The following TNNI3K variants were observed in gnomAD, a reference collection of about 807,000 sequenced individuals.
TNNI3K encodes the protein serine/threonine-protein kinase TNNI3K.
A neutral mutation model predicts 114.5 loss-of-function variants in TNNI3K; 140 were observed. The observed-to-expected ratio is 1.22, with a 90% CI of 1.07 to 1.41. The LOEUF (loss-of-function observed/expected upper bound fraction) is 1.41. Ranked by LOEUF, TNNI3K falls within the 40% of genes most tolerant of loss-of-function variation. The pLI is 0.00. For missense variants in TNNI3K, 1,125 were observed against 1,007.6 expected (o/e 1.12, Z -1.58); for synonymous variants, 347 against 347.5 (o/e 1.00, Z 0.02).
At chr1:74,453,678 A>G (rs1031093960) in intron 20 of TNNI3K, among the ~76,000 whole-genome samples, 1 of 152,144 alleles carries the variant, frequency 6.6e-6, no homozygotes, top group African/African-American at 2.4e-5. Flanking sequence ...GTTCAAATTA[A>G]CCTGTAATCT....
In TNNI3K at chr1:74,472,172, ATCT is replaced by A. The variant is rs565475322; in HGVS notation, c.2121+8629_2121+8631del. 1.6e-3 allele frequency: 1,113 copies of A among 716,972 alleles called. 3 individuals are homozygous for A. Among genetic ancestry groups the A allele is most frequent in the Non-Finnish European group, 9.1e-4 (350 of 384,724 alleles). 44.4% of individuals were successfully genotyped at this position (716,972 alleles called of 1,614,324 possible). ...GCCAAGGCTGAAGCGGGTGTTGCAT[ATCT>A]TCTTCTAAATATGTCACTGCTGATA... is the stretch of plus-strand genomic sequence containing the variant. On this transcript the variant is annotated intron_variant, in intron 21 of 24. Coordinates refer to ENST00000326637, the MANE Select transcript of TNNI3K (RefSeq NM_015978.3).
intron 17 of TNNI3K, chr1:74,372,952 G>A (rs1662692082): frequency 6.6e-6 from 1 of 151,830 alleles, no homozygotes; most frequent in South Asian, 2.1e-4. Context: ...TAAATCTTAT[G>A]AAACACCATT....
chr1:74,391,971 T>TA (rs1372876494), intron 17 of TNNI3K, among the ~76,000 whole-genome samples: 1 of 142,206 alleles, frequency 7.0e-6, no homozygotes, highest in South Asian at 2.3e-4. Context: ...TTTTTTTTTT[T>TA]TTTTTTTTTT....
chr1:74,506,473 C>T (rs952787), intron 23 of TNNI3K, among the ~76,000 whole-genome samples: 7,083 of 152,252 alleles, frequency 0.047, 450 homozygotes, highest in East Asian at 0.15. Flanking sequence ...TAGTGTGAGA[C>T]AAGAGAGCTG....
At chr1:74,421,477 T>A (rs1665391878) in intron 17 of TNNI3K, among the ~76,000 whole-genome samples, 1 of 152,128 alleles carries the variant, frequency 6.6e-6, no homozygotes, top group Non-Finnish European at 1.5e-5. Flanking sequence ...TATTTAGATA[T>A]AAGCAATTTG....
At chr1:74,455,287 A>G (rs1282099345) in intron 20 of TNNI3K, among the ~76,000 whole-genome samples, 1 of 152,212 alleles carries the variant, frequency 6.6e-6, no homozygotes, top group Non-Finnish European at 1.5e-5. Context: ...TTAAATAGGT[A>G]AACTATGAAG....
intron 17 of TNNI3K, among the ~76,000 whole-genome samples, chr1:74,401,542 A>G (rs1280968592): frequency 6.6e-6 from 1 of 152,222 alleles, no homozygotes; most frequent in Non-Finnish European, 1.5e-5. Flanking sequence ...TAAATAATCC[A>G]TACTCCATTT....
intron 23 of TNNI3K, among the ~76,000 whole-genome samples, chr1:74,496,789 T>C (rs1373611155): frequency 6.6e-6 from 1 of 152,174 alleles, no homozygotes; most frequent in Non-Finnish European, 1.5e-5. Flanking sequence ...TAGATATATT[T>C]GGAAAACTAA....
chr1:74,280,561 C>A (rs1656952579), intron 5 of TNNI3K, among the ~76,000 whole-genome samples: 1 of 152,072 alleles, frequency 6.6e-6, no homozygotes, highest in Admixed American at 6.6e-5. Flanking sequence ...TGCATTGGAA[C>A]TCAATGATGG....
At chr1:74,323,482 T>C (rs931264177) in intron 5 of TNNI3K, among the ~76,000 whole-genome samples, 5 of 151,556 alleles carry the variant, frequency 3.3e-5, no homozygotes, top group African/African-American at 9.7e-5. Flanking sequence ...TCATTCAAAA[T>C]AACAAGAATC....
At chr1:74,359,899 T>C (rs1329912377) in intron 11 of TNNI3K, among the ~76,000 whole-genome samples, 1 of 151,898 alleles carries the variant, frequency 6.6e-6, no homozygotes, top group Non-Finnish European at 1.5e-5. Flanking sequence ...CATGATTCTC[T>C]TTCTTGTACT....
At chr1:74,250,477 T>A (rs906257880) in intron 3 of TNNI3K, among the ~76,000 whole-genome samples, 195 bp from the exon 4 acceptor site, 6 of 152,226 alleles carry the variant, frequency 3.9e-5, no homozygotes, top group African/African-American at 1.4e-4. Context: ...AGCATTTGAA[T>A]AAAGTTTTAT....
intron 5 of TNNI3K, among the ~76,000 whole-genome samples, chr1:74,320,342 C>T (rs1440525478): frequency 6.6e-6 from 1 of 152,146 alleles, no homozygotes; most frequent in East Asian, 1.9e-4. Flanking sequence ...GTTTCATAAC[C>T]AGTTAAACAT....
intron 5 of TNNI3K, among the ~76,000 whole-genome samples, chr1:74,288,747 T>C (rs1657481273): frequency 6.6e-6 from 1 of 152,126 alleles, no homozygotes; most frequent in African/African-American, 2.4e-5. Context: ...TTAAATTTGC[T>C]AAGAGAGTAA....
intron 2 of TNNI3K, among the ~76,000 whole-genome samples, chr1:74,245,645 A>G (rs1268934947): frequency 1.3e-5 from 2 of 152,212 alleles, no homozygotes; most frequent in African/African-American, 4.8e-5. Context: ...TCATCAAGGC[A>G]TCCAGTTAAG....
chr1:74,525,982 A>G (rs1646499792), intron 23 of TNNI3K, among the ~76,000 whole-genome samples: 1 of 152,202 alleles, frequency 6.6e-6, no homozygotes, highest in Non-Finnish European at 1.5e-5. Flanking sequence ...ACAGAGGAGG[A>G]GAGGAAAGCT....
At chr1:74,525,091 C>A (rs1570741447) in intron 23 of TNNI3K, among the ~76,000 whole-genome samples, 1 of 152,214 alleles carries the variant, frequency 6.6e-6, no homozygotes, top group Admixed American at 6.5e-5. Flanking sequence ...TGATAAAAAA[C>A]ATACTAAAGA....
intron 17 of TNNI3K, among the ~76,000 whole-genome samples, chr1:74,422,771 C>A (rs1376476015): frequency 1.3e-5 from 2 of 151,864 alleles, no homozygotes; most frequent in African/African-American, 2.4e-5. Flanking sequence ...CAAAAAAAAA[C>A]CCACTAAATT....
intron 19 of TNNI3K, among the ~76,000 whole-genome samples, chr1:74,438,244 C>T (rs1666225150): frequency 1.3e-5 from 2 of 151,814 alleles, no homozygotes; most frequent in Admixed American, 1.3e-4. Flanking sequence ...AATGTTGTGA[C>T]ACAATGCATA....
Sources: allele counts gnomAD v4.1 joint callset (sites outside exome capture counted in the v4.1 genomes callset), GRCh38; gene constraint gnomAD v4.1.1; transcripts MANE v1.5; gene names NCBI Gene and HGNC (gene_info 2026-07-23, HGNC 2026-07-21).